The following TTC12 variants were observed in gnomAD, a reference collection of about 807,000 sequenced individuals.
TTC12 encodes the protein tetratricopeptide repeat domain 12, also known as tetratricopeptide repeat protein 12.
A neutral mutation model predicts 90.1 loss-of-function variants in TTC12; 70 were observed. The observed-to-expected ratio is 0.78, with a 90% CI of 0.64 to 0.95. The LOEUF (loss-of-function observed/expected upper bound fraction) is 0.95, where lower values mean the gene tolerates loss of function less well. Among genes scored for constraint, TTC12 ranks in the 40% least tolerant of loss-of-function variants. The pLI is 0.00. For missense variants in TTC12, 819 were observed against 846.1 expected (o/e 0.97, Z 0.40); for synonymous variants, 296 against 311.5 (o/e 0.95, Z 0.53).
In TTC12 at chr11:113,366,289, A is replaced by C. The variant is rs1254672341; in HGVS notation, c.2107A>C (p.Ser703Arg). Residue 703 changes from serine (S) to arginine (R), a missense_variant, in exon 22 of 22, where the codon AGT (serine) becomes CGT (arginine). Coordinates refer to ENST00000529221, the MANE Select transcript of TTC12 (RefSeq NM_017868.4). ...TCTCAACTCTACGATGAAATACATC[A>C]GTGATTCTTGAGAGAGACAGGGTTT... ...EILNSTMKYISDS is the reference protein window; with the variant it reads ...EILNSTMKYIRDS 1.9e-6 allele frequency: 3 copies of C among 1,613,600 alleles called. No homozygotes were observed. The highest frequency in any genetic ancestry group is 2.5e-6 in the Non-Finnish European group (3 of 1,180,024).
downstream of TTC12, among the ~76,000 whole-genome samples, chr11:113,367,255 A>T (rs963655151): frequency 2.0e-5 from 3 of 152,142 alleles, no homozygotes; most frequent in Admixed American, 6.5e-5. Flanking sequence ...AAAGTTCCAA[A>T]GACTTTTGGT....
rs562865715 is a variant in TTC12 at position 113,329,535 on chromosome 11, G to T, written c.445-385G>T. 1.7e-5 allele frequency: 8 copies of T among 458,354 alleles called. No homozygotes were observed. In the East Asian group the frequency reaches 5.5e-4, roughly 31 times the overall value. 28.4% of individuals were successfully genotyped at this position (458,354 alleles called of 1,614,324 possible). A position where few individuals can be genotyped will look rare whatever the true frequency, so the allele number is the denominator to read the frequency against. Reference sequence around the variant, plus strand: ...TGAGATTGGGGTATTTATTCTCCTGGCCTTCGGCTCTGGTGAAGGCCTCAG... The same window carrying T: ...TGAGATTGGGGTATTTATTCTCCTGTCCTTCGGCTCTGGTGAAGGCCTCAG... On this transcript the variant is annotated intron_variant, in intron 6 of 21. Coordinates refer to ENST00000529221, the MANE Select transcript of TTC12 (RefSeq NM_017868.4).
chr11:113,368,219 G>A (rs2138096815), downstream of TTC12: 1 of 1,500,522 alleles, frequency 6.7e-7, no homozygotes, highest in Admixed American at 2.0e-5. Context: ...CTCCAATTTG[G>A]AAGAGAGTCT....
chr11:113,373,084 G>C (rs1375489748), intron 21 of TTC12: 3 of 477,260 alleles, frequency 6.3e-6, no homozygotes, highest in Non-Finnish European at 5.5e-6. Flanking sequence ...TTTCAGATCT[G>C]TCTAATGAAA....
Position 113,366,383 on chromosome 11 carries a change from A to T in TTC12, c.*83A>T. ...CTATGCTAATAAAGACCTTTGATGT[A>T]TCCACTTCAGAATCAAGTACTCATT... On this transcript the variant is annotated 3_prime_UTR_variant, in exon 22 of 22. Coordinates refer to ENST00000529221, the MANE Select transcript of TTC12 (RefSeq NM_017868.4). 1 of 1,588,632 alleles carries T rather than the reference A, an allele frequency of 6.3e-7. No homozygotes were observed. The highest frequency in any genetic ancestry group is 8.5e-7 in the Non-Finnish European group (1 of 1,170,932).
At chr11:113,339,200 A>C (rs1398602998) in intron 9 of TTC12, 86 bp from the exon 10 acceptor site, 1 of 1,193,078 alleles carries the variant, frequency 8.4e-7, no homozygotes, top group African/African-American at 1.6e-5. Flanking sequence ...TCCCATCCTC[A>C]AAAGAAAGGA....
At chr11:113,316,747 A>G (rs1215158957) in intron 2 of TTC12, among the ~76,000 whole-genome samples, 2 of 152,228 alleles carry the variant, frequency 1.3e-5, no homozygotes, top group Non-Finnish European at 2.9e-5. Context: ...TTTAGGATCC[A>G]TCAAATTACA....
downstream of TTC12, chr11:113,369,117 A>ATTGT (rs112124449): frequency 1.8e-3 from 273 of 153,110 alleles, 2 homozygotes; most frequent in South Asian, 0.013. Context: ...CTGCCTGTGC[A>ATTGT]TTGTTTGTTT....
chr11:113,367,700 A>T (rs967875564), downstream of TTC12, among the ~76,000 whole-genome samples: 1 of 137,720 alleles, frequency 7.3e-6, no homozygotes, highest in Non-Finnish European at 1.6e-5. Flanking sequence ...AAACGGAGAT[A>T]AATAATTGGC....
rs569864089 is a variant in TTC12, at chr11:113,364,037, C to T, written c.1816+110C>T. 18 of 692,856 alleles carry T rather than the reference C, an allele frequency of 2.6e-5. No homozygotes were observed. The East Asian group carries it at 4.4e-4, about 17-fold the overall frequency. 42.9% of individuals were successfully genotyped at this position (692,856 alleles called of 1,614,324 possible). On this transcript the variant is annotated intron_variant, in intron 20 of 21. Transcript: ENST00000529221. ...AACTTAGCAGCAATGCTGTTAACCT[C>T]TCCCAGACTTCAGCAATGTTTACAG...
chr11:113,341,631 G>A (rs540946894), intron 11 of TTC12: 6 of 562,880 alleles, frequency 1.1e-5, no homozygotes, highest in African/African-American at 1.9e-5. Context: ...CCCAGCCTCT[G>A]TGCAGCCCTG....
intron 16 of TTC12, among the ~76,000 whole-genome samples, chr11:113,353,334 T>A (rs1389718078): frequency 6.6e-6 from 1 of 152,176 alleles, no homozygotes; most frequent in Admixed American, 6.5e-5. Flanking sequence ...CTCTTGTAAA[T>A]TTTTTTAAGT....
intron 6 of TTC12, chr11:113,329,604 T>A (rs2137951062): frequency 2.0e-6 from 1 of 495,392 alleles, no homozygotes; most frequent in East Asian, 5.6e-5. Flanking sequence ...CTCCCACATT[T>A]TGTTCATTGC....
chr11:113,361,458 C>T (rs950480661), intron 18 of TTC12, among the ~76,000 whole-genome samples: 4 of 152,104 alleles, frequency 2.6e-5, no homozygotes, highest in Non-Finnish European at 4.4e-5. Flanking sequence ...TGGAGGAACA[C>T]GTAGCTGGGC....
downstream of TTC12, among the ~76,000 whole-genome samples, chr11:113,370,061 GCA>G (rs1482167994): frequency 6.6e-6 from 1 of 152,216 alleles, no homozygotes; most frequent in African/African-American, 2.4e-5. Flanking sequence ...GGGCCTGAGA[GCA>G]CTGGTCTTGG....
Position 113,329,920 on chromosome 11 carries a change from G to A in TTC12, c.445G>A (p.Ala149Thr). The change falls in exon 7 of 22, where the codon GCT becomes ACT. Residue 149 changes from alanine (A) to threonine (T), a missense_variant and splice_region_variant. Physicochemically the swap from Ala to Thr is moderately conservative, Grantham distance 58. Coordinates refer to ENST00000529221, the MANE Select transcript of TTC12 (RefSeq NM_017868.4). ...ATATCAGCTGTTGGTTTCATTACAG[G>A]CTTATATGAAACTTGAGGACTATGA... Reference protein sequence around the residue: ...MKVLYTNRAQAYMKLEDYEKA... With the variant: ...MKVLYTNRAQTYMKLEDYEKA... 6.2e-7 allele frequency: 1 copy of A among 1,612,900 alleles called. No homozygotes were observed. Among genetic ancestry groups the A allele is most frequent in the Non-Finnish European group, 8.5e-7 (1 of 1,178,866 alleles).
chr11:113,332,863 C>T (rs1255654568), intron 7 of TTC12, among the ~76,000 whole-genome samples: 1 of 152,204 alleles, frequency 6.6e-6, no homozygotes, highest in Non-Finnish European at 1.5e-5. Context: ...CACACCATGT[C>T]TTTCAGGTAT....
downstream of TTC12, among the ~76,000 whole-genome samples, chr11:113,370,964 A>G (rs1950366978): frequency 6.6e-6 from 1 of 152,070 alleles, no homozygotes. Context: ...ACACACATAC[A>G]CACACCCCCA....
downstream of TTC12, chr11:113,371,370 G>A (rs1025491689): frequency 1.3e-5 from 2 of 152,056 alleles, no homozygotes; most frequent in Non-Finnish European, 2.9e-5. Context: ...CTTAAAATTT[G>A]TATTATTTTT....
Sources: allele counts gnomAD v4.1 joint callset (sites outside exome capture counted in the v4.1 genomes callset), GRCh38; gene constraint gnomAD v4.1.1; transcripts MANE v1.5; gene names NCBI Gene and HGNC (gene_info 2026-07-23, HGNC 2026-07-21).